Variants in IMMP2L observed in about 807,000 individuals in gnomAD.
The protein encoded by IMMP2L is mitochondrial inner membrane protease subunit 2.
In IMMP2L, 18 loss-of-function variants were observed where a neutral mutation model predicts 19.3. The observed-to-expected ratio is 0.93, with a 90% CI of 0.64 to 1.38. The LOEUF (loss-of-function observed/expected upper bound fraction) is 1.38. Among genes scored for constraint, IMMP2L ranks in the 40% most tolerant of loss-of-function variants. The pLI is 0.00. For missense variants in IMMP2L, 233 were observed against 218.2 expected, an observed-to-expected ratio of 1.07 and a Z score of -0.43; for synonymous variants, 76 against 73.0, an observed-to-expected ratio of 1.04 and a Z score of -0.21.
chr7:111,298,846 T>C (rs1432340002), intron 3 of IMMP2L, among the ~76,000 whole-genome samples: 1 of 151,636 alleles, frequency 6.6e-6, no homozygotes, highest in Non-Finnish European at 1.5e-5. Flanking sequence ...AGGACATATA[T>C]TAAATACTTT....
intron 3 of IMMP2L, among the ~76,000 whole-genome samples, chr7:111,196,032 C>T (rs1809461343): frequency 6.6e-6 from 1 of 151,930 alleles, no homozygotes; most frequent in South Asian, 2.1e-4. Flanking sequence ...CCACATCCAC[C>T]GTTTTGTTTT....
At chr7:110,705,820 G>A (rs1313834060) in intron 5 of IMMP2L, among the ~76,000 whole-genome samples, 5 of 151,936 alleles carry the variant, frequency 3.3e-5, no homozygotes, top group Non-Finnish European at 7.4e-5. Context: ...GCGATATTTG[G>A]TTTTCTGTTC....
intron 5 of IMMP2L, among the ~76,000 whole-genome samples, chr7:110,712,999 C>G (rs1208578169): frequency 6.6e-6 from 1 of 151,986 alleles, no homozygotes; most frequent in Non-Finnish European, 1.5e-5. Context: ...AGCTGTAGAC[C>G]GGAGCTGTTC....
At chr7:110,791,548 A>T (rs1040624692) in intron 5 of IMMP2L, among the ~76,000 whole-genome samples, 1 of 151,696 alleles carries the variant, frequency 6.6e-6, no homozygotes, top group African/African-American at 2.4e-5. Context: ...TGAGATTTTC[A>T]GGGACCAGTA....
intron 4 of IMMP2L, among the ~76,000 whole-genome samples, chr7:110,932,506 A>G (rs1202365039): frequency 1.5e-4 from 23 of 152,036 alleles, no homozygotes; most frequent in Admixed American, 1.5e-3. Context: ...GGCGCCCACT[A>G]CCATGCCAGG....
chr7:111,342,802 G>A (rs566246104), intron 3 of IMMP2L, among the ~76,000 whole-genome samples: 1 of 151,850 alleles, frequency 6.6e-6, no homozygotes, highest in Non-Finnish European at 1.5e-5. Context: ...TAAAATTTTT[G>A]TAGTAGTAAG....
At chr7:111,196,925 T>C (rs1037917359) in intron 3 of IMMP2L, among the ~76,000 whole-genome samples, 1 of 152,324 alleles carries the variant, frequency 6.6e-6, no homozygotes, top group East Asian at 1.9e-4. Context: ...GTGCAGTATT[T>C]CGCTGAATAG....
At chr7:111,522,314 A>G (rs566734339) in intron 1 of IMMP2L, among the ~76,000 whole-genome samples, 70 of 152,150 alleles carry the variant, frequency 4.6e-4, no homozygotes, top group African/African-American at 1.7e-3. Context: ...CAGACAATGG[A>G]GATTACATCA....
chr7:111,016,412 T>A (rs866310624), intron 3 of IMMP2L, among the ~76,000 whole-genome samples: 19 of 140,576 alleles, frequency 1.4e-4, no homozygotes, highest in African/African-American at 4.7e-4. Flanking sequence ...ATATTTTATA[T>A]AATATATATT....
In IMMP2L at chr7:111,460,746, T is replaced by C. The variant is rs571678552; in HGVS notation, c.239+26492A>G. The stretch of plus-strand genomic sequence containing the variant: ...CTAAAGCCCAACATGATGTTCTATG[T>C]TTTTATCACAATTCAAGATTACTGC... On this transcript the variant is annotated intron_variant, in intron 3 of 5. Transcript: ENST00000405709. Among the ~76,000 whole-genome samples the C allele has an allele frequency of 8.5e-5, 13 of 152,190 alleles. No homozygotes were observed. In the South Asian group the frequency reaches 2.7e-3, roughly 32 times the overall value.
At chr7:110,825,578 A>C (rs372555178) in intron 5 of IMMP2L, among the ~76,000 whole-genome samples, 5 of 152,234 alleles carry the variant, frequency 3.3e-5, no homozygotes, top group African/African-American at 9.6e-5. Context: ...CAAAAACAAG[A>C]AATGGGGAAA....
chr7:111,047,971 G>A (rs1792574277), intron 3 of IMMP2L, among the ~76,000 whole-genome samples: 1 of 151,842 alleles, frequency 6.6e-6, no homozygotes, highest in Non-Finnish European at 1.5e-5. Flanking sequence ...CGGGTGTGGT[G>A]GCTCACGCTT....
intron 3 of IMMP2L, among the ~76,000 whole-genome samples, chr7:111,007,713 ATACT>A (rs907140484): frequency 1.3e-5 from 2 of 152,164 alleles, no homozygotes; most frequent in African/African-American, 2.4e-5. Context: ...CTGTGCATAC[ATACT>A]TATATATATG....
chr7:111,103,085 AT>A, intron 3 of IMMP2L, among the ~76,000 whole-genome samples: 1 of 151,622 alleles, frequency 6.6e-6, no homozygotes, highest in South Asian at 2.1e-4. Context: ...TTGTACTCTA[AT>A]TAGCATTTTG....
intron 3 of IMMP2L, chr7:111,124,939 A>C: frequency 1.4e-6 from 2 of 1,410,690 alleles, no homozygotes; most frequent in South Asian, 2.8e-5. Flanking sequence ...GAACAAAAAA[A>C]AAAAAAGCGA....
In IMMP2L at chr7:111,213,767, T is replaced by C. The variant is rs1404207569; in HGVS notation, c.240-250202A>G. 2.0e-5 allele frequency among the ~76,000 whole-genome samples: 3 copies of C among 152,150 alleles called. No homozygotes were observed. The highest frequency in any genetic ancestry group is 6.5e-5 in the Admixed American group (1 of 15,282). On this transcript the variant is annotated intron_variant, in intron 3 of 5. Coordinates refer to ENST00000405709, the MANE Select transcript of IMMP2L (RefSeq NM_032549.4). This position sits in a 1 kb window ranked among gnomAD's most constrained non-coding sequence, Gnocchi z 4.8. ...AGGAGCTACCCACACCAGAGTCTCC[T>C]ATCTAATGAGCGCTGAACATTTGAA...
intron 3 of IMMP2L, among the ~76,000 whole-genome samples, chr7:110,995,867 G>T (rs139574769): frequency 2.0e-5 from 3 of 152,216 alleles, no homozygotes; most frequent in East Asian, 1.9e-4. Flanking sequence ...GAATAGTAAA[G>T]AAATATAATT....
chr7:111,545,493 C>G (rs1848847678), intron 1 of IMMP2L, among the ~76,000 whole-genome samples: 1 of 152,092 alleles, frequency 6.6e-6, no homozygotes, highest in Admixed American at 6.6e-5. Context: ...CAGGTTCAAG[C>G]AATTCTCCTG....
chr7:111,084,691 A>G (rs547150174), intron 3 of IMMP2L, among the ~76,000 whole-genome samples: 2 of 152,344 alleles, frequency 1.3e-5, no homozygotes, highest in Non-Finnish European at 2.9e-5. Context: ...AAGATGACTT[A>G]GGAGGCTTTG....
Sources: allele counts gnomAD v4.1 joint callset (sites outside exome capture counted in the v4.1 genomes callset), GRCh38; gene constraint gnomAD v4.1.1; non-coding constraint Gnocchi (gnomAD v3.1); transcripts MANE v1.5; gene names NCBI Gene and HGNC (gene_info 2026-07-23, HGNC 2026-07-21).